Variants in PROS1 observed in about 807,000 individuals in gnomAD.
The protein encoded by PROS1 is vitamin K-dependent protein S.
Under a neutral mutation model 75.9 loss-of-function variants are expected in PROS1, and 29 were observed. That is an observed-to-expected ratio of 0.38 (90% CI 0.28 to 0.52). The LOEUF (loss-of-function observed/expected upper bound fraction) is 0.52, where lower values mean the gene tolerates loss of function less well. Among genes scored for constraint, PROS1 ranks in the 20% least tolerant of loss-of-function variants. The pLI, the probability that PROS1 is intolerant of heterozygous loss-of-function variation, is 0.83. For missense variants in PROS1, 680 were observed against 810.3 expected, an observed-to-expected ratio of 0.84 and a Z score of 1.95; for synonymous variants, 245 against 280.6, an observed-to-expected ratio of 0.87 and a Z score of 1.27.
intron 1 of PROS1, among the ~76,000 whole-genome samples, chr3:93,940,158 C>A (rs1479983658): frequency 1.3e-5 from 2 of 152,200 alleles, no homozygotes; most frequent in Admixed American, 6.5e-5. Flanking sequence ...CTGTGCAGAA[C>A]CCCACTGGAA....
intron 10 of PROS1, among the ~76,000 whole-genome samples, chr3:93,890,042 A>T (rs1229738004): frequency 6.6e-6 from 1 of 152,140 alleles, no homozygotes; most frequent in Non-Finnish European, 1.5e-5. Flanking sequence ...AAGAATATTA[A>T]TAATTAATAC....
At chr3:93,926,658 A>T (rs1576197908) in intron 2 of PROS1, among the ~76,000 whole-genome samples, 3 of 152,256 alleles carry the variant, frequency 2.0e-5, no homozygotes, top group Non-Finnish European at 4.4e-5. Flanking sequence ...AATAAATGCC[A>T]ATGGAGAAAT....
intron 7 of PROS1, 54 bp from the exon 8 acceptor site, chr3:93,898,623 T>C (rs1281658883): frequency 6.3e-7 from 1 of 1,589,474 alleles, no homozygotes; most frequent in African/African-American, 1.3e-5. Context: ...AAATGTTCAA[T>C]CTTATAGGCA....
intron 10 of PROS1, 83 bp from the exon 11 acceptor site, chr3:93,886,586 T>G: frequency 9.5e-7 from 1 of 1,056,280 alleles, no homozygotes; most frequent in South Asian, 1.3e-5. Flanking sequence ...CTTATGTTAT[T>G]ATTCCAATAA....
chr3:93,907,527 T>C (rs749289514), intron 4 of PROS1, among the ~76,000 whole-genome samples: 4 of 152,142 alleles, frequency 2.6e-5, no homozygotes, highest in African/African-American at 4.8e-5. Flanking sequence ...GGCTGAACAC[T>C]TGATGGGACA....
At chr3:93,936,109 C>T (rs985890142) in intron 1 of PROS1, among the ~76,000 whole-genome samples, 14 of 151,536 alleles carry the variant, frequency 9.2e-5, no homozygotes, top group African/African-American at 2.7e-4. Flanking sequence ...CCCTTCCCCG[C>T]TCCAAATTCA....
rs553897558 is a variant in PROS1 at position 93,964,434 on chromosome 3, C to G, written c.76+9240G>C. ...CCACTCTGGGAACGTCTGTCCTATG[C>G]GGTTGAGATAAGGACTGAGATACAC... On this transcript the variant is annotated intron_variant, in intron 1 of 14. Transcript: ENST00000394236. 8.5e-5 allele frequency among the ~76,000 whole-genome samples: 13 copies of G among 152,210 alleles called. No homozygotes were observed. In the East Asian group the frequency reaches 2.1e-3, roughly 25 times the overall value.
intron 12 of PROS1, among the ~76,000 whole-genome samples, chr3:93,880,166 C>G (rs953616835): frequency 6.6e-6 from 1 of 152,094 alleles, no homozygotes; most frequent in Non-Finnish European, 1.5e-5. Context: ...TTCCACTTAG[C>G]CACATATAAT....
intron 6 of PROS1, among the ~76,000 whole-genome samples, chr3:93,904,972 A>G (rs1708652039): frequency 6.6e-6 from 1 of 152,206 alleles, no homozygotes; most frequent in African/African-American, 2.4e-5. Flanking sequence ...ATAAAGAGAA[A>G]GAAAACTAGA....
At chr3:93,952,855 G>C (rs553528339) in intron 1 of PROS1, among the ~76,000 whole-genome samples, 64 of 152,178 alleles carry the variant, frequency 4.2e-4, no homozygotes, top group Non-Finnish European at 7.9e-4. Context: ...GAAGAAAAGA[G>C]AGAAGAATCA....
At chr3:93,955,814 G>C (rs1000476739) in intron 1 of PROS1, among the ~76,000 whole-genome samples, 1 of 151,956 alleles carries the variant, frequency 6.6e-6, no homozygotes, top group South Asian at 2.1e-4. Context: ...GATGGAGGAC[G>C]AAAGATAATC....
intron 1 of PROS1, among the ~76,000 whole-genome samples, chr3:93,964,778 T>A (rs1709762157): frequency 6.6e-6 from 1 of 152,136 alleles, no homozygotes; most frequent in Admixed American, 6.5e-5. Flanking sequence ...GGCATCACAG[T>A]CCTACAGATA....
chr3:93,970,373 A>G (rs1229119652), intron 1 of PROS1, among the ~76,000 whole-genome samples: 2 of 152,122 alleles, frequency 1.3e-5, no homozygotes, highest in Non-Finnish European at 2.9e-5. Context: ...ATCTCGCTCT[A>G]TCACCCAGGC....
chr3:93,968,672 C>T (rs1270887111), intron 1 of PROS1, among the ~76,000 whole-genome samples: 1 of 151,990 alleles, frequency 6.6e-6, no homozygotes, highest in Non-Finnish European at 1.5e-5. Context: ...ACATATTTTC[C>T]ACTGAATTAT....
chr3:93,918,290 C>T (rs1708890411), intron 3 of PROS1, among the ~76,000 whole-genome samples: 1 of 152,024 alleles, frequency 6.6e-6, no homozygotes, highest in Non-Finnish European at 1.5e-5. Flanking sequence ...CAAAACAGAC[C>T]ACTCGCTCTA....
chr3:93,901,054 G>T, intron 6 of PROS1, 125 bp from the exon 7 acceptor site: 1 of 1,030,394 alleles, frequency 9.7e-7, no homozygotes, highest in Non-Finnish European at 1.4e-6. Context: ...ATTGGCCTTT[G>T]GACCAAAAAA....
intron 3 of PROS1, 111 bp from the exon 4 acceptor site, chr3:93,910,816 A>T: frequency 1.1e-6 from 1 of 871,658 alleles, no homozygotes; most frequent in Non-Finnish European, 1.9e-6. Context: ...GTAGATTCAC[A>T]AGATTCAGTC....
intron 1 of PROS1, 160 bp downstream of exon 1, chr3:93,973,514 T>G (rs533161458): frequency 1.4e-6 from 1 of 724,836 alleles, no homozygotes; most frequent in East Asian, 2.7e-5. Flanking sequence ...TTGCACTGCC[T>G]GCTCTATCCA....
At chr3:93,926,539 T>C (rs554522700) in intron 2 of PROS1, among the ~76,000 whole-genome samples, 1 of 152,200 alleles carries the variant, frequency 6.6e-6, no homozygotes, top group African/African-American at 2.4e-5. Context: ...GGCTGAGGCA[T>C]GAGAATCTCT....
Sources: allele counts gnomAD v4.1 joint callset (sites outside exome capture counted in the v4.1 genomes callset), GRCh38; gene constraint gnomAD v4.1.1; transcripts MANE v1.5; gene names NCBI Gene and HGNC (gene_info 2026-07-23, HGNC 2026-07-21).